FRAS1: variants seen among roughly 807,000 people sequenced by gnomAD.
The protein encoded by FRAS1 is Fraser extracellular matrix complex subunit 1, also known as extracellular matrix organizing protein FRAS1.
FRAS1 carries 290 observed loss-of-function variants against 435.2 expected under a neutral mutation model. The observed-to-expected ratio is 0.67, with a 90% CI of 0.61 to 0.73. The LOEUF (loss-of-function observed/expected upper bound fraction) is 0.73. Among genes scored for constraint, FRAS1 ranks in the 30% least tolerant of loss-of-function variants. The pLI, the probability that FRAS1 is intolerant of heterozygous loss-of-function variation, is 0.00. For missense variants in FRAS1, 4,860 were observed against 5,001.5 expected (o/e 0.97, Z 0.85); for synonymous variants, 1,800 against 1,851.0 (o/e 0.97, Z 0.71).
intron 59 of FRAS1, among the ~76,000 whole-genome samples, chr4:78,491,455 A>G (rs1720350751): frequency 6.6e-6 from 1 of 152,218 alleles, no homozygotes; most frequent in African/African-American, 2.4e-5. Flanking sequence ...TTTATCCACC[A>G]CGATCAAGTT....
chr4:78,524,724 T>G (rs1329631185), intron 69 of FRAS1, among the ~76,000 whole-genome samples: 1 of 152,176 alleles, frequency 6.6e-6, no homozygotes, highest in Non-Finnish European at 1.5e-5. Flanking sequence ...TTGAATATAT[T>G]GGTAAACAAA....
chr4:78,226,711 G>T (rs1578195533), intron 2 of FRAS1, among the ~76,000 whole-genome samples: 1 of 151,900 alleles, frequency 6.6e-6, no homozygotes, highest in East Asian at 1.9e-4. Flanking sequence ...TCTTGAATTT[G>T]TGGCTTGGTA....
intron 2 of FRAS1, among the ~76,000 whole-genome samples, chr4:78,150,871 T>C (rs1720627685): frequency 6.6e-6 from 1 of 152,250 alleles, no homozygotes; most frequent in African/African-American, 2.4e-5. Flanking sequence ...GGATTTCTTA[T>C]TGAGGTCTTT....
Position 78,058,004 on chromosome 4 carries a change from G to T in FRAS1, c.-6G>T, listed in dbSNP as rs1429276896. The stretch of plus-strand genomic sequence containing the variant: ...GGGCTCCTCCATCGTGGGTGCCGAG[G>T]CGGCGATGGGTGTCCTCAAAGTGTG... On this transcript the variant is annotated 5_prime_UTR_variant, in exon 1 of 74. Transcript: ENST00000512123. 1 of 1,613,714 alleles carries T rather than the reference G, an allele frequency of 6.2e-7. No individual in the cohort carries two copies. Among genetic ancestry groups the T allele is most frequent in the Non-Finnish European group, 8.5e-7 (1 of 1,179,750 alleles).
intron 66 of FRAS1, among the ~76,000 whole-genome samples, chr4:78,516,692 G>A (rs1020044715): frequency 1.3e-5 from 2 of 152,204 alleles, no homozygotes; most frequent in African/African-American, 4.8e-5. Context: ...GAAAGGGGAA[G>A]CAGACATGTC....
intron 59 of FRAS1, among the ~76,000 whole-genome samples, chr4:78,496,426 C>G (rs968622577): frequency 1.3e-5 from 2 of 152,172 alleles, no homozygotes; most frequent in African/African-American, 4.8e-5. Flanking sequence ...GTATGTTAAA[C>G]CCCCGTCATC....
At chr4:78,072,698 A>T (rs1287998868) in intron 2 of FRAS1, among the ~76,000 whole-genome samples, 1 of 152,176 alleles carries the variant, frequency 6.6e-6, no homozygotes, top group East Asian at 1.9e-4. Context: ...GCAAAAATTC[A>T]TCATTTTTTA....
At chr4:78,470,128 A>C (rs764640489) in intron 51 of FRAS1, 37 bp downstream of exon 51, 20 of 1,350,226 alleles carry the variant, frequency 1.5e-5, no homozygotes, top group Non-Finnish European at 2.0e-5. Context: ...ACACCACCCA[A>C]CTTGGGCTAC....
chr4:78,277,508 C>T (rs1021749509), intron 9 of FRAS1, among the ~76,000 whole-genome samples: 4 of 151,924 alleles, frequency 2.6e-5, no homozygotes, highest in Non-Finnish European at 5.9e-5. Context: ...GTGAAAAGTA[C>T]TTTAAAGAAT....
intron 28 of FRAS1, among the ~76,000 whole-genome samples, chr4:78,386,490 C>G (rs1360800147): frequency 6.6e-6 from 1 of 152,092 alleles, no homozygotes; most frequent in Non-Finnish European, 1.5e-5. Flanking sequence ...ATTAGACATT[C>G]CTTTAATAGA....
intron 31 of FRAS1, among the ~76,000 whole-genome samples, chr4:78,408,227 TCCCACC>T (rs979625034): frequency 1.8e-3 from 267 of 152,146 alleles, no homozygotes; most frequent in African/African-American, 6.3e-3. Context: ...GATTGTTGTC[TCCCACC>T]GGGTCCCTCC....
Position 78,499,846 on chromosome 4 carries a change from T to C in FRAS1, c.9241T>C (p.Cys3081Arg), listed in dbSNP as rs1720624255. The C allele has an allele frequency of 6.2e-7, 1 of 1,613,490 alleles. No homozygotes were observed. Among genetic ancestry groups the C allele is most frequent in the Non-Finnish European group, 8.5e-7 (1 of 1,179,604 alleles). ...GDQNRTSKVRCSTRDGSAQSG... is the reference protein window; with the variant it reads ...GDQNRTSKVRRSTRDGSAQSG... ...TCAGAACAGGACCTCCAAGGTTCGC[T>C]GCAGCACGCGGGATGGCTCTGCCCA... Residue 3081 changes from cysteine (C) to arginine (R), a missense_variant, in exon 61 of 74, where the codon TGC becomes CGC. Transcript: ENST00000512123.
At chr4:78,481,998 G>T (rs747015461) in intron 57 of FRAS1, 34 bp downstream of exon 57, 3 of 1,599,056 alleles carry the variant, frequency 1.9e-6, no homozygotes, top group Non-Finnish European at 2.6e-6. Context: ...CCACAAAGTT[G>T]ACAGGTCGGT....
intron 2 of FRAS1, among the ~76,000 whole-genome samples, chr4:78,143,488 AGTTC>A (rs1240729613): frequency 6.6e-6 from 1 of 152,234 alleles, no homozygotes; most frequent in Non-Finnish European, 1.5e-5. Context: ...ATTGATGTAT[AGTTC>A]ATAAAATAGT....
At chr4:78,059,857 T>G in intron 1 of FRAS1, among the ~76,000 whole-genome samples, 1 of 93,752 alleles carries the variant, frequency 1.1e-5, no homozygotes, top group Non-Finnish European at 2.0e-5. Context: ...GATGGGGGGA[T>G]GTGAAGCACA....
Position 78,466,348 on chromosome 4 carries a change from C to T in FRAS1, c.7170C>T (p.Asp2390=), listed in dbSNP as rs569817128. 54 of 1,613,922 alleles carry T rather than the reference C, an allele frequency of 3.3e-5. No individual in the cohort carries two copies. The Middle Eastern group carries it at 6.6e-4, about 20-fold the overall frequency. ...IYQNRVSYSH[D]GSNSLKDRFT... ...AGAACCGGGTCAGCTACAGCCATGA[C>T]GGCAGTAACTCCCTCAAGGACCGGT... Residue 2390 remains aspartate, a synonymous_variant, in exon 50 of 74, where the codon GAC becomes GAT. Transcript: ENST00000512123.
intron 2 of FRAS1, among the ~76,000 whole-genome samples, chr4:78,183,138 G>T (rs1361608093): frequency 6.6e-6 from 1 of 152,168 alleles, no homozygotes; most frequent in African/African-American, 2.4e-5. Flanking sequence ...AGTGGGTCAA[G>T]CCAGATATGG....
intron 14 of FRAS1, among the ~76,000 whole-genome samples, chr4:78,289,526 G>C (rs779259844): frequency 2.0e-5 from 3 of 152,014 alleles, no homozygotes; most frequent in Non-Finnish European, 4.4e-5. Context: ...TTTTTTCACA[G>C]CAGGTAGGGC....
intron 58 of FRAS1, among the ~76,000 whole-genome samples, 192 bp from the exon 59 acceptor site, chr4:78,488,683 A>G (rs1720247406): frequency 6.6e-6 from 1 of 152,202 alleles, no homozygotes; most frequent in Non-Finnish European, 1.5e-5. Flanking sequence ...CACTTATAGT[A>G]GAAGCAGTTC....
Sources: gnomAD v4.1 joint callset for allele counts (sites outside exome capture counted in the v4.1 genomes callset) on GRCh38, gnomAD v4.1.1 for gene constraint, MANE v1.5 for transcripts, NCBI Gene and HGNC (gene_info 2026-07-23, HGNC 2026-07-21) for gene names.